The following LIN28B variants were observed in gnomAD, a reference collection of about 807,000 sequenced individuals.
The protein encoded by LIN28B is protein lin-28 homolog B.
A neutral mutation model predicts 21.9 loss-of-function variants in LIN28B; 5 were observed. That is an observed-to-expected ratio of 0.23 (90% CI 0.12 to 0.48). The LOEUF (loss-of-function observed/expected upper bound fraction) is 0.48, where lower values mean the gene tolerates loss of function less well. Among genes scored for constraint, LIN28B ranks in the 20% least tolerant of loss-of-function variants. The pLI, the probability that LIN28B is intolerant of heterozygous loss-of-function variation, is 0.98. For missense variants in LIN28B, 245 were observed against 310.5 expected (o/e 0.79, Z 1.58); for synonymous variants, 109 against 111.3 (o/e 0.98, Z 0.13).
intron 2 of LIN28B, among the ~76,000 whole-genome samples, chr6:104,964,888 C>T (rs903465106): frequency 1.3e-5 from 2 of 152,086 alleles, no homozygotes; most frequent in Admixed American, 6.5e-5. Context: ...ATAAGATTTA[C>T]AAATAATTGA....
At chr6:105,028,657 AGG>A (rs1771355353) in intron 3 of LIN28B, among the ~76,000 whole-genome samples, 4 of 152,354 alleles carry the variant, frequency 2.6e-5, no homozygotes, top group Non-Finnish European at 4.4e-5. Flanking sequence ...AACCTACAGA[AGG>A]AGCCTGAAAT....
intron 3 of LIN28B, among the ~76,000 whole-genome samples, chr6:105,063,007 G>A (rs1205898760): frequency 1.3e-5 from 2 of 151,964 alleles, no homozygotes; most frequent in East Asian, 1.9e-4. Flanking sequence ...ATACTGTCAC[G>A]TGTTCTTTTA....
intron 3 of LIN28B, among the ~76,000 whole-genome samples, chr6:105,049,564 T>A (rs1278051098): frequency 6.6e-6 from 1 of 152,260 alleles, no homozygotes; most frequent in East Asian, 1.9e-4. Context: ...CCTTGTTAAC[T>A]TTCTGTCTCG....
Position 104,957,153 on chromosome 6 carries a change from G to A in LIN28B, c.-98G>A. 1.2e-6 allele frequency: 2 copies of A among 1,610,438 alleles called. No homozygotes were observed. Among genetic ancestry groups the A allele is most frequent in the Non-Finnish European group, 8.5e-7 (1 of 1,178,096 alleles). On this transcript the variant is annotated 5_prime_UTR_variant, in exon 1 of 4. Coordinates refer to ENST00000345080, the MANE Select transcript of LIN28B (RefSeq NM_001004317.4). ...GACCATGCGAGCTAAATTTGTGATCGCACAAAATCAAGATGTTAGATTGAT... is the reference window on the plus strand; with the variant it reads ...GACCATGCGAGCTAAATTTGTGATCACACAAAATCAAGATGTTAGATTGAT...
intron 3 of LIN28B, among the ~76,000 whole-genome samples, chr6:105,031,068 C>A (rs1326696865): frequency 6.6e-6 from 1 of 152,002 alleles, no homozygotes; most frequent in Admixed American, 6.6e-5. Flanking sequence ...AAAGTGGCTT[C>A]TTTTTCCTTT....
intron 2 of LIN28B, among the ~76,000 whole-genome samples, chr6:104,978,809 G>T (rs572083668): frequency 6.6e-6 from 1 of 152,024 alleles, no homozygotes; most frequent in East Asian, 1.9e-4. Context: ...CAAAACCCTG[G>T]GTTATTTTAT....
intron 3 of LIN28B, among the ~76,000 whole-genome samples, chr6:105,073,193 A>G (rs189831652): frequency 6.6e-6 from 1 of 152,314 alleles, no homozygotes; most frequent in Admixed American, 6.5e-5. Flanking sequence ...TTAAATAACA[A>G]GTATTAAAAC....
At chr6:105,037,173 G>T (rs1166421149) in intron 3 of LIN28B, among the ~76,000 whole-genome samples, 2 of 151,632 alleles carry the variant, frequency 1.3e-5, no homozygotes, top group Non-Finnish European at 2.9e-5. Context: ...TTTGTTACTT[G>T]CACTGCTGAA....
At chr6:105,031,547 T>C (rs887432777) in intron 3 of LIN28B, among the ~76,000 whole-genome samples, 1 of 151,462 alleles carries the variant, frequency 6.6e-6, no homozygotes, top group Non-Finnish European at 1.5e-5. Context: ...TTTCTTTTTT[T>C]TTTTGAAATG....
chr6:104,984,197 T>A (rs1278069835), intron 2 of LIN28B, among the ~76,000 whole-genome samples: 1 of 152,214 alleles, frequency 6.6e-6, no homozygotes, highest in Non-Finnish European at 1.5e-5. Context: ...TGTAGCCCAG[T>A]ATGCGTTTAA....
At chr6:105,052,738 C>T (rs1175545902) in intron 3 of LIN28B, among the ~76,000 whole-genome samples, 1 of 152,074 alleles carries the variant, frequency 6.6e-6, no homozygotes, top group Non-Finnish European at 1.5e-5. Flanking sequence ...CCAATATTCC[C>T]TTTTTTCATT....
chr6:105,068,021 A>G (rs1772252969), intron 3 of LIN28B, among the ~76,000 whole-genome samples: 1 of 152,062 alleles, frequency 6.6e-6, no homozygotes, highest in African/African-American at 2.4e-5. Context: ...TCTTGTTTTT[A>G]TAAGATGATG....
chr6:104,956,107 T>A (rs1431166530), upstream of LIN28B, among the ~76,000 whole-genome samples: 3 of 152,114 alleles, frequency 2.0e-5, no homozygotes, highest in Admixed American at 1.3e-4. Context: ...TTACCTTTTT[T>A]CTCCCACTTG....
At chr6:104,980,678 T>A (rs1045109549) in intron 2 of LIN28B, among the ~76,000 whole-genome samples, 5 of 152,222 alleles carry the variant, frequency 3.3e-5, no homozygotes, top group African/African-American at 4.8e-5. Context: ...TGTTCCTTTT[T>A]CTACAGTGAT....
At chr6:105,036,125 T>C (rs1771516498) in intron 3 of LIN28B, among the ~76,000 whole-genome samples, 1 of 152,206 alleles carries the variant, frequency 6.6e-6, no homozygotes, top group East Asian at 1.9e-4. Flanking sequence ...CTTTTTTTCA[T>C]TGTAACTCCG....
At chr6:104,962,028 A>G (rs1309451937) in intron 2 of LIN28B, among the ~76,000 whole-genome samples, 3 of 152,178 alleles carry the variant, frequency 2.0e-5, no homozygotes, top group African/African-American at 7.2e-5. Context: ...ATTTATTTCC[A>G]AAGTCATTAT....
At chr6:104,982,383 A>C (rs1439260736) in intron 2 of LIN28B, among the ~76,000 whole-genome samples, 3 of 152,188 alleles carry the variant, frequency 2.0e-5, no homozygotes, top group African/African-American at 4.8e-5. Flanking sequence ...ATTGAATGAC[A>C]GTTAATGCCC....
At chr6:105,032,318 A>T (rs1771441854) in intron 3 of LIN28B, among the ~76,000 whole-genome samples, 1 of 152,188 alleles carries the variant, frequency 6.6e-6, no homozygotes, top group Admixed American at 6.5e-5. Context: ...TTAACTTTAT[A>T]AAAAACTGCC....
intron 2 of LIN28B, among the ~76,000 whole-genome samples, chr6:104,980,960 G>A (rs1395101645): frequency 6.6e-6 from 1 of 151,806 alleles, no homozygotes; most frequent in Admixed American, 6.6e-5. Flanking sequence ...TTTCTCTCTT[G>A]TCTTCTGGGT....
Sources: gnomAD v4.1 joint callset for allele counts (sites outside exome capture counted in the v4.1 genomes callset) on GRCh38, gnomAD v4.1.1 for gene constraint, MANE v1.5 for transcripts, NCBI Gene and HGNC (gene_info 2026-07-23, HGNC 2026-07-21) for gene names.